The following BECN1 variants were observed in gnomAD, a reference collection of about 807,000 sequenced individuals.
BECN1 encodes the protein beclin-1.
In BECN1, 15 loss-of-function variants were observed where a neutral mutation model predicts 60.1. That is an observed-to-expected ratio of 0.25 (90% CI 0.17 to 0.38). The LOEUF is 0.38. Ranked by LOEUF, BECN1 falls within the 10% of genes least tolerant of loss-of-function variation. The pLI is 1.00. For synonymous variants in BECN1, 179 were observed against 201.8 expected (o/e 0.89, Z 0.96); for missense variants, 424 against 548.2 (o/e 0.77, Z 2.26).
chr17:42,820,721 C>T, intron 3 of BECN1, 53 bp downstream of exon 3: 1 of 1,499,088 alleles, frequency 6.7e-7, no homozygotes, highest in Non-Finnish European at 9.1e-7. Flanking sequence ...TCATATCTCT[C>T]ATTTGGAATG....
intron 2 of BECN1, among the ~76,000 whole-genome samples, chr17:42,821,042 A>AT (rs2055253157): frequency 6.6e-6 from 1 of 152,042 alleles, no homozygotes; most frequent in Admixed American, 6.6e-5. Flanking sequence ...TTTTTAAGGC[A>AT]TAATGGTATC....
chr17:42,815,144 T>G (rs1162317069), intron 8 of BECN1: 1 of 160,130 alleles, frequency 6.2e-6, no homozygotes, highest in Admixed American at 6.0e-5. Flanking sequence ...CTCCTCTGCC[T>G]TTTGGATGAA....
intron 4 of BECN1, chr17:42,819,309 AT>A: frequency 2.0e-6 from 1 of 504,716 alleles, no homozygotes. Context: ...CACTCCCTCA[AT>A]TTTTTTCAAT....
rs144831933 is a variant in BECN1 at position 42,811,638 on chromosome 17, C to T, written c.1184+17G>A. On this transcript the variant is annotated intron_variant, in intron 11 of 11. Transcript: ENST00000590099. ...TTTGGTCCTATACAAGTTCACTCAGCATTGCGCTATACTGACCTGTAGGGA... is the reference window on the plus strand; with the variant it reads ...TTTGGTCCTATACAAGTTCACTCAGTATTGCGCTATACTGACCTGTAGGGA... 1,077 of 1,605,832 alleles carry T rather than the reference C, an allele frequency of 6.7e-4. 4 individuals are homozygous for T. Among genetic ancestry groups the T allele is most frequent in the African/African-American group, 3.7e-3 (277 of 74,540 alleles).
Position 42,818,532 on chromosome 17 carries a change from G to A in BECN1, c.488+12C>T, listed in dbSNP as rs1193403539. ...AGTAACAGCTCTGAGCCCTGGCTCT[G>A]GAGACACTCACTTGTAGTTCTGACA... On this transcript the variant is annotated intron_variant, in intron 6 of 11. Transcript: ENST00000590099. The A allele has an allele frequency of 6.2e-7, 1 of 1,614,080 alleles. No individual in the cohort carries two copies.
chr17:42,822,387 C>A (rs1183451012), intron 2 of BECN1, among the ~76,000 whole-genome samples: 1 of 151,986 alleles, frequency 6.6e-6, no homozygotes, highest in Non-Finnish European at 1.5e-5. Context: ...AATCAGAAAC[C>A]AAGGCTTGGA....
chr17:42,823,971 G>C lies in BECN1; in HGVS notation c.-2-92C>G, dbSNP rs1169695092. Reference sequence around the variant, plus strand: ...CACATGCCTTGGTGACGATGGTAAAGGGAGGGAAGTCCCAACCTGCGCCGT... The same window carrying C: ...CACATGCCTTGGTGACGATGGTAAACGGAGGGAAGTCCCAACCTGCGCCGT... On this transcript the variant is annotated intron_variant, in intron 1 of 11. Coordinates refer to ENST00000590099, the MANE Select transcript of BECN1 (RefSeq NM_001313998.2). 8.7e-6 allele frequency: 13 copies of C among 1,485,736 alleles called. No individual in the cohort carries two copies. In the South Asian group the frequency reaches 1.5e-4, roughly 17 times the overall value. 92.0% of individuals were successfully genotyped at this position (1,485,736 alleles called of 1,614,324 possible). A position where few individuals can be genotyped will look rare whatever the true frequency, so the allele number is the denominator to read the frequency against.
At chr17:42,818,042 G>C (rs2055181073) in intron 7 of BECN1, among the ~76,000 whole-genome samples, 179 bp downstream of exon 7, 1 of 152,150 alleles carries the variant, frequency 6.6e-6, no homozygotes, top group South Asian at 2.1e-4. Flanking sequence ...ACTCTTCATA[G>C]GTAACTCTCC....
chr17:42,818,702 G>C (rs375221767), intron 5 of BECN1, 22 bp from the exon 6 acceptor site: 13 of 1,613,950 alleles, frequency 8.1e-6, no homozygotes, highest in Non-Finnish European at 1.1e-5. Flanking sequence ...GGAGAGTCAG[G>C]GTAGGGCCTC....
At position 42,810,491 on chromosome 17, in the gene BECN1, A is replaced by T. The variant is rs11552192; in HGVS notation, c.*269T>A. 27,876 of 261,288 alleles carry T rather than the reference A, an allele frequency of 0.11. 1,983 individuals are homozygous for T. The highest frequency in any genetic ancestry group is 0.28 in the East Asian group (3,822 of 13,798). The allele number at this position is 261,288 out of a possible 1,614,324, so 16.2% of individuals were successfully genotyped here. A position where few individuals can be genotyped will look rare whatever the true frequency, so the allele number is the denominator to read the frequency against. The stretch of plus-strand genomic sequence containing the variant: ...AGTTAAAAAAAAGAAAAGCAAATTT[A>T]AATTAGTTTTTTTCAGAGAAGAAAG... On this transcript the variant is annotated 3_prime_UTR_variant, in exon 12 of 12. Coordinates refer to ENST00000590099, the MANE Select transcript of BECN1 (RefSeq NM_001313998.2).
chr17:42,811,411 G>T, intron 11 of BECN1: 1 of 400,642 alleles, frequency 2.5e-6, no homozygotes, highest in Non-Finnish European at 4.4e-6. Flanking sequence ...GAGGAGGCTT[G>T]AGCTCTATGC....
chr17:42,823,653 T>C (rs2055321257), intron 2 of BECN1, 95 bp downstream of exon 2: 4 of 1,496,164 alleles, frequency 2.7e-6, no homozygotes, highest in African/African-American at 1.4e-5. Context: ...CACGATGAGT[T>C]TGTGGCAGAC....
chr17:42,820,672 G>A, intron 3 of BECN1, 102 bp downstream of exon 3: 1 of 1,225,422 alleles, frequency 8.2e-7, no homozygotes, highest in Non-Finnish European at 1.2e-6. Context: ...GAAGCGCCAA[G>A]TAGCCTGCAG....
chr17:42,818,198 G>C (rs757830248), intron 7 of BECN1, 23 bp downstream of exon 7: 1 of 1,610,770 alleles, frequency 6.2e-7, no homozygotes, highest in Admixed American at 1.7e-5. Context: ...AGTGTGAGAA[G>C]ATAGAACAGG....
chr17:42,823,590 T>C, intron 2 of BECN1, 158 bp downstream of exon 2: 1 of 1,108,182 alleles, frequency 9.0e-7, no homozygotes, highest in Non-Finnish European at 1.2e-6. Context: ...CAGAATGCTT[T>C]ATGTTTCCAA....
intron 11 of BECN1, 117 bp downstream of exon 11, chr17:42,811,538 C>T: frequency 7.4e-7 from 1 of 1,355,704 alleles, no homozygotes; most frequent in South Asian, 1.4e-5. Flanking sequence ...TCATGTGATT[C>T]TGTGCCATTT....
chr17:42,821,453 G>C (rs2055262587), intron 2 of BECN1, among the ~76,000 whole-genome samples: 1 of 152,178 alleles, frequency 6.6e-6, no homozygotes, highest in Non-Finnish European at 1.5e-5. Flanking sequence ...GAGTGGGAAG[G>C]AATGGATGGG....
At chr17:42,820,727 G>T (rs1317529252) in intron 3 of BECN1, 47 bp downstream of exon 3, 1 of 1,505,754 alleles carries the variant, frequency 6.6e-7, no homozygotes, top group Non-Finnish European at 9.1e-7. Flanking sequence ...CTCTCATTTG[G>T]AATGTTTACT....
intron 10 of BECN1, among the ~76,000 whole-genome samples, chr17:42,813,091 G>A (rs1389883293): frequency 4.7e-5 from 7 of 148,866 alleles, no homozygotes; most frequent in African/African-American, 1.7e-4. Flanking sequence ...TGATCCACCC[G>A]CCTTGGCCTC....
Sources: gnomAD v4.1 joint callset for allele counts (sites outside exome capture counted in the v4.1 genomes callset) on GRCh38, gnomAD v4.1.1 for gene constraint, MANE v1.5 for transcripts, NCBI Gene and HGNC (gene_info 2026-07-23, HGNC 2026-07-21) for gene names.